Variants in EIPR1 observed in about 807,000 individuals in gnomAD.
The protein encoded by EIPR1 is EARP complex and GARP complex interacting protein 1, also known as EARP and GARP complex-interacting protein 1.
EIPR1 carries 25 observed loss-of-function variants against 48.1 expected under a neutral mutation model. The observed-to-expected ratio is 0.52, with a 90% CI of 0.38 to 0.73. EIPR1 has a LOEUF of 0.73. Ranked by LOEUF, EIPR1 falls within the 30% of genes least tolerant of loss-of-function variation. The probability of loss-of-function intolerance (pLI) is 0.00; values close to 1 mark genes in which losing one functional copy is unlikely to be tolerated. For missense variants in EIPR1, 415 were observed against 506.2 expected, an observed-to-expected ratio of 0.82 and a Z score of 1.73; for synonymous variants, 204 against 201.9, an observed-to-expected ratio of 1.01 and a Z score of -0.09.
chr2:3,294,648 TCC>T (rs1668479240), intron 3 of EIPR1, among the ~76,000 whole-genome samples: 1 of 108,018 alleles, frequency 9.3e-6, no homozygotes. Flanking sequence ...CCATCCTCTC[TCC>T]AAACACACAC....
intron 1 of EIPR1, among the ~76,000 whole-genome samples, chr2:3,371,975 G>C (rs985742795): frequency 8.6e-5 from 13 of 152,014 alleles, no homozygotes; most frequent in Non-Finnish European, 1.2e-4. Flanking sequence ...TGACCACATA[G>C]TTGGAAGTAA....
chr2:3,371,483 G>A (rs575540116), intron 1 of EIPR1, among the ~76,000 whole-genome samples: 6 of 152,234 alleles, frequency 3.9e-5, no homozygotes, highest in East Asian at 3.9e-4. Context: ...TATTCAGGAA[G>A]CCCATCTCAC....
intron 4 of EIPR1, among the ~76,000 whole-genome samples, chr2:3,230,971 A>T (rs1212926958): frequency 6.6e-6 from 1 of 152,200 alleles, no homozygotes; most frequent in East Asian, 1.9e-4. Context: ...AATTCTTCCC[A>T]TCCATGAACA....
chr2:3,223,936 C>T (rs1390326515), intron 4 of EIPR1, among the ~76,000 whole-genome samples: 1 of 152,212 alleles, frequency 6.6e-6, no homozygotes, highest in Non-Finnish European at 1.5e-5. Context: ...CCACCTCTTC[C>T]AACCAAGAGA....
At chr2:3,332,230 A>G (rs1337758489) in intron 3 of EIPR1, among the ~76,000 whole-genome samples, 2 of 152,264 alleles carry the variant, frequency 1.3e-5, no homozygotes, top group Non-Finnish European at 2.9e-5. Flanking sequence ...GAACCTTAAG[A>G]AAACCGTGGG....
At chr2:3,288,003 G>A (rs1409148871) in intron 3 of EIPR1, among the ~76,000 whole-genome samples, 3 of 152,316 alleles carry the variant, frequency 2.0e-5, no homozygotes, top group South Asian at 2.1e-4. Context: ...AGAGCTCCTC[G>A]TGGCCCCTCA....
chr2:3,351,682 A>AT (rs1670582425), intron 2 of EIPR1, among the ~76,000 whole-genome samples: 1 of 152,080 alleles, frequency 6.6e-6, no homozygotes, highest in Admixed American at 6.5e-5. Flanking sequence ...CCCTTCTTAT[A>AT]TTTTTTCCAG....
chr2:3,268,046 G>A (rs924175311), intron 3 of EIPR1, among the ~76,000 whole-genome samples: 1 of 152,198 alleles, frequency 6.6e-6, no homozygotes, highest in African/African-American at 2.4e-5. Context: ...GGGCTTCCAC[G>A]CCATGGTCCT....
intron 2 of EIPR1, among the ~76,000 whole-genome samples, chr2:3,348,667 T>C (rs1214485043): frequency 1.3e-5 from 2 of 152,182 alleles, no homozygotes; most frequent in African/African-American, 4.8e-5. Context: ...AGTCCCCACA[T>C]TTTCAGAAAG....
intron 1 of EIPR1, among the ~76,000 whole-genome samples, chr2:3,371,471 T>C (rs2103393660): frequency 6.6e-6 from 1 of 152,164 alleles, no homozygotes; most frequent in East Asian, 1.9e-4. Flanking sequence ...ATCAGTGTGC[T>C]GTATTCAGGA....
intron 3 of EIPR1, among the ~76,000 whole-genome samples, chr2:3,323,048 G>C (rs1447524909): frequency 2.0e-5 from 3 of 152,062 alleles, no homozygotes; most frequent in Non-Finnish European, 4.4e-5. Context: ...GCTCTTTCCG[G>C]AGATTCAGAA....
At chr2:3,262,559 G>A (rs1041203057) in intron 3 of EIPR1, among the ~76,000 whole-genome samples, 1 of 152,244 alleles carries the variant, frequency 6.6e-6, no homozygotes, top group Non-Finnish European at 1.5e-5. Flanking sequence ...GGCCAAGAGG[G>A]CACTACAGCA....
At chr2:3,260,914 G>A (rs560425431) in intron 3 of EIPR1, among the ~76,000 whole-genome samples, 27 of 152,100 alleles carry the variant, frequency 1.8e-4, no homozygotes, top group Non-Finnish European at 3.5e-4. Flanking sequence ...GATCTCTCAC[G>A]GATTGTGAAA....
intron 5 of EIPR1, among the ~76,000 whole-genome samples, chr2:3,206,139 G>A (rs1558222209): frequency 6.6e-6 from 1 of 152,182 alleles, no homozygotes; most frequent in Non-Finnish European, 1.5e-5. Flanking sequence ...ATCTTGGGAG[G>A]GCTGGGCTCT....
In EIPR1 at chr2:3,188,981, T is replaced by G; in HGVS notation, c.*353A>C. 6 of 172,926 alleles carry G rather than the reference T, an allele frequency of 3.5e-5. No homozygotes were observed. The highest frequency in any genetic ancestry group is 7.3e-5 in the Non-Finnish European group (6 of 81,924). 10.7% of individuals were successfully genotyped at this position (172,926 alleles called of 1,614,324 possible). A position where few individuals can be genotyped will look rare whatever the true frequency, so the allele number is the denominator to read the frequency against. On this transcript the variant is annotated 3_prime_UTR_variant, in exon 9 of 9. Coordinates refer to ENST00000382125, the MANE Select transcript of EIPR1 (RefSeq NM_003310.5). ...GAGCCGAGCACCTGTGCAGCGTGGA[T>G]TTATTTTATTTCATTTTTTACTCTC...
intron 5 of EIPR1, among the ~76,000 whole-genome samples, chr2:3,201,224 C>A (rs1350836107): frequency 1.3e-5 from 2 of 152,206 alleles, no homozygotes; most frequent in Non-Finnish European, 2.9e-5. Context: ...GGCCTGACAT[C>A]CCCCTGATCA....
chr2:3,339,084 A>G (rs566966008), intron 2 of EIPR1, among the ~76,000 whole-genome samples: 2 of 152,368 alleles, frequency 1.3e-5, no homozygotes, highest in Admixed American at 6.5e-5. Flanking sequence ...GGTGTACTGT[A>G]GACTACTCAG....
chr2:3,353,280 T>C (rs1359169492), intron 2 of EIPR1: 1 of 471,060 alleles, frequency 2.1e-6, no homozygotes, highest in African/African-American at 2.0e-5. Flanking sequence ...AACCCTTGGC[T>C]CAATTTTTAG....
At chr2:3,284,828 G>T (rs985121629) in intron 3 of EIPR1, among the ~76,000 whole-genome samples, 1 of 152,144 alleles carries the variant, frequency 6.6e-6, no homozygotes, top group Admixed American at 6.5e-5. Flanking sequence ...CAGCAGCAGA[G>T]TCAGAGGAAG....
Sources: gnomAD v4.1 joint callset for allele counts (sites outside exome capture counted in the v4.1 genomes callset) on GRCh38, gnomAD v4.1.1 for gene constraint, MANE v1.5 for transcripts, NCBI Gene and HGNC (gene_info 2026-07-23, HGNC 2026-07-21) for gene names.